The following TNIP2 variants were observed in gnomAD, a reference collection of about 807,000 sequenced individuals.
TNIP2 encodes TNFAIP3 interacting protein 2.
A neutral mutation model predicts 43.7 loss-of-function variants in TNIP2; 30 were observed. That is an observed-to-expected ratio of 0.69 (90% CI 0.51 to 0.93). The LOEUF is 0.93. Ranked by LOEUF, TNIP2 falls within the 40% of genes least tolerant of loss-of-function variation. The probability of loss-of-function intolerance (pLI) is 0.00; values close to 1 mark genes in which losing one functional copy is unlikely to be tolerated. For missense variants in TNIP2, 599 were observed against 591.0 expected, an observed-to-expected ratio of 1.01 and a Z score of -0.14; for synonymous variants, 260 against 254.6, an observed-to-expected ratio of 1.02 and a Z score of -0.20.
Position 2,753,981 on chromosome 4 carries a change from C to T in TNIP2, c.276+2033G>A, listed in dbSNP as rs193212488. ...GCCAAGTGTACACACACCTTATACA[C>T]AGAGGAAAAACAGGAAGAAGGCATG... On this transcript the variant is annotated intron_variant, in intron 1 of 5. Transcript: ENST00000315423. 3.6e-3 allele frequency among the ~76,000 whole-genome samples: 552 copies of T among 152,360 alleles called. 4 individuals carry two copies. The highest frequency in any genetic ancestry group is 0.013 in the African/African-American group (531 of 41,584).
chr4:2,756,248 CGG>C lies in TNIP2; in HGVS notation c.40_41del (p.Pro14AlafsTer81). On this transcript the variant is annotated frameshift_variant, in exon 1 of 6. Coordinates refer to ENST00000315423, the MANE Select transcript of TNIP2 (RefSeq NM_024309.4). LOFTEE classifies it high-confidence loss of function. ...GGGTGCAGAGCGCGGCAGCTGCGCG[CGG>C]GGCCTCCTCCCAGCCGCCCGACCCC... is the stretch of plus-strand genomic sequence containing the variant. ...DPGSGGWEEA[P>X]RAAAALCTLY... The C allele has an allele frequency of 6.9e-7, 1 of 1,446,996 alleles. No individual in the cohort carries two copies. The highest frequency in any genetic ancestry group is 1.3e-5 in the South Asian group (1 of 74,736). The allele number at this position is 1,446,996 out of a possible 1,614,324, so 89.6% of individuals were successfully genotyped here.
intron 2 of TNIP2, among the ~76,000 whole-genome samples, chr4:2,747,050 G>A (rs1721965668): frequency 6.6e-6 from 1 of 152,172 alleles, no homozygotes; most frequent in Non-Finnish European, 1.5e-5. Context: ...CGCTGCCCCC[G>A]GCCCTTGCTT....
intron 1 of TNIP2, 119 bp from the exon 2 acceptor site, chr4:2,748,064 T>G: frequency 9.2e-7 from 1 of 1,088,346 alleles, no homozygotes; most frequent in South Asian, 1.6e-5. Context: ...ACAAACATAC[T>G]CACTCAGAAG....
At chr4:2,751,539 G>A (rs1057357009) in intron 1 of TNIP2, among the ~76,000 whole-genome samples, 4 of 152,158 alleles carry the variant, frequency 2.6e-5, no homozygotes, top group Non-Finnish European at 5.9e-5. Flanking sequence ...GGGAGGCCGA[G>A]GTGGGAGGAT....
intron 5 of TNIP2, among the ~76,000 whole-genome samples, chr4:2,742,948 C>T (rs898315784): frequency 3.3e-5 from 5 of 152,190 alleles, no homozygotes; most frequent in Non-Finnish European, 5.9e-5. Context: ...GTGCTGAGCA[C>T]TCTGGGGCTC....
intron 2 of TNIP2, among the ~76,000 whole-genome samples, chr4:2,746,930 TC>T (rs955459143): frequency 6.6e-6 from 1 of 152,184 alleles, no homozygotes; most frequent in Non-Finnish European, 1.5e-5. Context: ...ATGCTGAAAC[TC>T]CCACGGTCCT....
At chr4:2,755,646 C>T (rs1402694836) in intron 1 of TNIP2, among the ~76,000 whole-genome samples, 11 of 144,898 alleles carry the variant, frequency 7.6e-5, no homozygotes, top group Admixed American at 7.4e-4. Flanking sequence ...CCCTCTCTCC[C>T]CTAGGACCCA....
At position 2,745,269 on chromosome 4, in the gene TNIP2, C is replaced by T. The variant is rs1006191299; in HGVS notation, c.657+177G>A. The T allele has an allele frequency of 5.5e-5, 34 of 620,322 alleles. No individual in the cohort carries two copies. The African/African-American group carries it at 5.9e-4, about 11-fold the overall frequency. 38.4% of individuals were successfully genotyped at this position (620,322 alleles called of 1,614,324 possible). ...TTAATTTTAGGGGGATGGAGATGGA[C>T]AGGACATGTCCCGTACGTCGTTTTA... is the stretch of plus-strand genomic sequence containing the variant. On this transcript the variant is annotated intron_variant, in intron 3 of 5. Transcript: ENST00000315423.
Position 2,744,007 on chromosome 4 carries a change from G to A in TNIP2, c.1026+380C>T, listed in dbSNP as rs3733222. Reference sequence around the variant, plus strand: ...CTGGGGATGTTACTGGACACCCAGGGCCATCACATCTACATGACAAGGTAA... The same window carrying A: ...CTGGGGATGTTACTGGACACCCAGGACCATCACATCTACATGACAAGGTAA... On this transcript the variant is annotated intron_variant, in intron 5 of 5. Coordinates refer to ENST00000315423, the MANE Select transcript of TNIP2 (RefSeq NM_024309.4). The surrounding 1 kb of genome is among the most constrained non-coding windows in gnomAD (Gnocchi z 5.1). 0.35 allele frequency among the ~76,000 whole-genome samples: 53,070 copies of A among 152,038 alleles called. 10,894 individuals are homozygous for A. Among genetic ancestry groups the A allele is most frequent in the Admixed American group, 0.54 (8,230 of 15,270 alleles).
chr4:2,747,923 C>T lies in TNIP2; in HGVS notation c.299G>A (p.Arg100Gln), dbSNP rs747523927. ...MRQEIERLTE[R>Q]LEEKEREMQQ... ...CATCTCCCTCTCTTTTTCTTCTAGT[C>T]GCTCAGTCAGCCTCTCAATTTCCTA... The change falls in exon 2 of 6, where the codon CGA becomes CAA. Residue 100 changes from arginine to glutamine, a missense_variant. By Grantham distance (43) the Arg-to-Gln change is conservative. Coordinates refer to ENST00000315423, the MANE Select transcript of TNIP2 (RefSeq NM_024309.4). The T allele has an allele frequency of 2.1e-5, 34 of 1,612,650 alleles. No individual in the cohort carries two copies. In the South Asian group the frequency reaches 2.9e-4, roughly 14 times the overall value.
At chr4:2,742,783 G>A (rs939844187) in intron 5 of TNIP2, among the ~76,000 whole-genome samples, 2 of 152,218 alleles carry the variant, frequency 1.3e-5, no homozygotes, top group African/African-American at 4.8e-5. Context: ...GTCCTGTTCA[G>A]TTGGACCTAT....
At chr4:2,755,960 C>T (rs1327592747) in intron 1 of TNIP2, 54 bp downstream of exon 1, 5 of 1,480,512 alleles carry the variant, frequency 3.4e-6, no homozygotes, top group African/African-American at 1.5e-5. Context: ...CAGGACCCGG[C>T]GGCCGCCACA....
chr4:2,744,510 A>G lies in TNIP2; in HGVS notation c.907-4T>C. 1 of 1,614,096 alleles carries G rather than the reference A, an allele frequency of 6.2e-7. No homozygotes were observed. Among genetic ancestry groups the G allele is most frequent in the Non-Finnish European group, 8.5e-7 (1 of 1,180,006 alleles). On this transcript the variant is annotated splice_region_variant and splice_polypyrimidine_tract_variant and intron_variant, in intron 4 of 5. Transcript: ENST00000315423. This position sits in a 1 kb window ranked among gnomAD's most constrained non-coding sequence, Gnocchi z 5.1. Reference sequence around the variant, plus strand: ...AGTCATCCTTGTAAGCGAGAATCTGAAGAGAGGCGAGACACACATTTCTGC... The same window carrying G: ...AGTCATCCTTGTAAGCGAGAATCTGGAGAGAGGCGAGACACACATTTCTGC...
chr4:2,754,368 A>C (rs1302870055), intron 1 of TNIP2, among the ~76,000 whole-genome samples: 1 of 152,266 alleles, frequency 6.6e-6, no homozygotes, highest in Admixed American at 6.5e-5. Context: ...CAAAAAACAG[A>C]CATAAACATC....
rs116129895 is a variant in TNIP2 at position 2,744,856 on chromosome 4, C to A, written c.747G>T (p.Gln249His). The change falls in exon 4 of 6, where the codon CAG becomes CAT. Residue 249 changes from glutamine (Q) to histidine (H), a missense_variant. Gln to His is a conservative substitution (Grantham distance 24). Transcript: ENST00000315423. The surrounding 1 kb of genome is among the most constrained non-coding windows in gnomAD (Gnocchi z 5.1). ...RGLHAQLRGL[Q>H]IPHEPELMRK... ...TCATCAGCTCGGGCTCGTGGGGGAT[C>A]TGCAGCCCCCTGAGCTGCGCATGGA... is the stretch of plus-strand genomic sequence containing the variant. 6.1e-3 allele frequency: 9,902 copies of A among 1,614,016 alleles called. 126 individuals are homozygous for A. The highest frequency in any genetic ancestry group is 0.05 in the African/African-American group (3,774 of 75,070).
At position 2,745,544 on chromosome 4, in the gene TNIP2, G is replaced by A; in HGVS notation, c.568-9C>T. The A allele has an allele frequency of 6.2e-7, 1 of 1,605,758 alleles. No individual in the cohort carries two copies. The highest frequency in any genetic ancestry group is 1.7e-4 in the Middle Eastern group (1 of 6,040). On this transcript the variant is annotated splice_polypyrimidine_tract_variant and intron_variant, in intron 2 of 5. Transcript: ENST00000315423. The stretch of plus-strand genomic sequence containing the variant: ...CCATCTGTGTGTTCCGACTGCATGA[G>A]GAAGGGACAGAGAGAAGACACTCTG...
intron 1 of TNIP2, among the ~76,000 whole-genome samples, chr4:2,748,374 G>C (rs539382170): frequency 2.0e-5 from 3 of 151,358 alleles, no homozygotes; most frequent in East Asian, 1.9e-4. Context: ...ACGGAGTCTC[G>C]CTCTGTCGCT....
intron 1 of TNIP2, among the ~76,000 whole-genome samples, chr4:2,753,638 G>A (rs971827880): frequency 7.9e-5 from 12 of 152,160 alleles, no homozygotes; most frequent in Admixed American, 1.3e-4. Flanking sequence ...AATGGCCACC[G>A]ACTGCAAGTA....
intron 3 of TNIP2, 135 bp from the exon 4 acceptor site, chr4:2,745,080 T>C (rs1398057607): frequency 1.6e-5 from 19 of 1,198,268 alleles, no homozygotes; most frequent in Admixed American, 5.6e-5. Context: ...TGCCCCTCCC[T>C]GTTCTGTAGA....
Sources: allele counts gnomAD v4.1 joint callset (sites outside exome capture counted in the v4.1 genomes callset), GRCh38; gene constraint gnomAD v4.1.1; non-coding constraint Gnocchi (gnomAD v3.1); transcripts MANE v1.5; gene names NCBI Gene and HGNC (gene_info 2026-07-23, HGNC 2026-07-21).